The following RRH variants were observed in gnomAD, a reference collection of about 807,000 sequenced individuals.
The protein encoded by RRH is visual pigment-like receptor peropsin.
Under a neutral mutation model 33.1 loss-of-function variants are expected in RRH, and 36 were observed. The ratio of observed to expected loss-of-function variants is 1.09; its 90% CI spans 0.83 to 1.44. The LOEUF (loss-of-function observed/expected upper bound fraction) is 1.44. RRH is among the 40% of genes most tolerant of loss of function. The probability of loss-of-function intolerance (pLI) is 0.00; values close to 1 mark genes in which losing one functional copy is unlikely to be tolerated. For missense variants in RRH, 393 were observed against 420.2 expected (o/e 0.94, Z 0.57); for synonymous variants, 124 against 140.2 (o/e 0.88, Z 0.82).
chr4:109,840,549 A>G (rs1738815485), intron 5 of RRH, among the ~76,000 whole-genome samples: 1 of 152,116 alleles, frequency 6.6e-6, no homozygotes, highest in African/African-American at 2.4e-5. Context: ...GCCTGTGCCT[A>G]TGTCCTGAAT....
At position 109,828,480 on chromosome 4, in the gene RRH, T is replaced by C. The variant is rs1041760696; in HGVS notation, c.106+347T>C. On this transcript the variant is annotated intron_variant, in intron 1 of 6. Transcript: ENST00000317735. Reference sequence around the variant, plus strand: ...TCATAAAAATCTATGTATTTGATTATTGGATTGTTAAAGTTTTTATTGGAG... The same window carrying C: ...TCATAAAAATCTATGTATTTGATTACTGGATTGTTAAAGTTTTTATTGGAG... Among the ~76,000 whole-genome samples, 3 of 152,238 alleles carry C rather than the reference T, an allele frequency of 2.0e-5. No homozygotes were observed. The South Asian group carries it at 6.2e-4, about 32-fold the overall frequency.
At position 109,833,280 on chromosome 4, in the gene RRH, C is replaced by G. The variant is rs780573597; in HGVS notation, c.248C>G (p.Ala83Gly). 13 of 1,613,948 alleles carry G rather than the reference C, an allele frequency of 8.1e-6. No individual in the cohort carries two copies. The South Asian group carries it at 1.3e-4, about 16-fold the overall frequency. Residue 83 changes from alanine (A) to glycine (G), a missense_variant, in exon 2 of 7, where the codon GCT becomes GGT. By Grantham distance (60) the Ala-to-Gly change is moderately conservative. Coordinates refer to ENST00000317735, the MANE Select transcript of RRH (RefSeq NM_006583.5). ...AGTAGCATTGGCTATCCCATGTCTGCTGCCTCAGATCTGTATGGAAGTTGG... is the reference window on the plus strand; with the variant it reads ...AGTAGCATTGGCTATCCCATGTCTGGTGCCTCAGATCTGTATGGAAGTTGG... ...GVSSIGYPMS[A>G]ASDLYGSWKF...
chr4:109,844,019 G>A, intron 6 of RRH, 64 bp from the exon 7 acceptor site: 1 of 1,090,592 alleles, frequency 9.2e-7, no homozygotes, highest in South Asian at 1.2e-5. Context: ...AGCCATATTT[G>A]AAAATGCTTT....
In RRH at chr4:109,843,385, A is replaced by G. The variant is rs868418366; in HGVS notation, c.900-698A>G. ...GCCACCACACCCGGCTAATTTTTGT[A>G]TTTTTAGTAGAGATGGGGTTTCACC... is the stretch of plus-strand genomic sequence containing the variant. On this transcript the variant is annotated intron_variant, in intron 6 of 6. Transcript: ENST00000317735. Among the ~76,000 whole-genome samples, 4 of 152,112 alleles carry G rather than the reference A, an allele frequency of 2.6e-5. No homozygotes were observed. The South Asian group carries it at 6.2e-4, about 24-fold the overall frequency.
chr4:109,835,265 A>G, intron 2 of RRH, 101 bp from the exon 3 acceptor site: 2 of 759,770 alleles, frequency 2.6e-6, no homozygotes, highest in Non-Finnish European at 4.7e-6. Context: ...AAAGTAAAAA[A>G]CCTTTAGTAT....
chr4:109,832,229 G>C (rs141272600), intron 1 of RRH, among the ~76,000 whole-genome samples: 30 of 146,250 alleles, frequency 2.1e-4, no homozygotes, highest in African/African-American at 6.4e-4. Context: ...CAGCATGTAG[G>C]GGATGTTGAA....
intron 5 of RRH, 125 bp from the exon 6 acceptor site, chr4:109,842,344 C>A: frequency 1.1e-5 from 9 of 846,654 alleles, no homozygotes; most frequent in African/African-American, 1.7e-5. Flanking sequence ...CAACTATTTC[C>A]TTTATGTCAT....
At chr4:109,843,629 A>G (rs1020268933) in intron 6 of RRH, among the ~76,000 whole-genome samples, 4 of 152,220 alleles carry the variant, frequency 2.6e-5, no homozygotes, top group African/African-American at 9.6e-5. Flanking sequence ...TGAAGAACAC[A>G]TTTTAAATTC....
At position 109,833,146 on chromosome 4, in the gene RRH, A is replaced by G. The variant is rs548507748; in HGVS notation, c.114A>G (p.Ile38Met). ...VATYLIMAGM[I>M]SIISNIIVLG... ...TTTTGTGTGTGTTCTCAGGTATGAT[A>G]AGTATTATCAGCAACATAATAGTTC... The change falls in exon 2 of 7, where the codon ATA becomes ATG. Residue 38 changes from isoleucine (I) to methionine (M), a missense_variant. Ile to Met is a conservative substitution (Grantham distance 10). Transcript: ENST00000317735. 3 of 1,612,568 alleles carry G rather than the reference A, an allele frequency of 1.9e-6. No homozygotes were observed. In the East Asian group the frequency reaches 6.7e-5, roughly 36 times the overall value.
chr4:109,839,986 T>C lies in RRH; in HGVS notation c.720+2381T>C, dbSNP rs146710754. Reference sequence around the variant, plus strand: ...TATATTCCTTTGGGTATATACTCAGTAAAAGAATTGGTGGGACAAATGGTA... The same window carrying C: ...TATATTCCTTTGGGTATATACTCAGCAAAAGAATTGGTGGGACAAATGGTA... On this transcript the variant is annotated intron_variant, in intron 5 of 6. Transcript: ENST00000317735. Among the ~76,000 whole-genome samples the C allele has an allele frequency of 7.3e-4, 111 of 152,360 alleles. No individual in the cohort carries two copies. The Middle Eastern group carries it at 0.02, about 28-fold the overall frequency.
At chr4:109,836,270 C>G (rs1733883290) in intron 4 of RRH, 110 bp downstream of exon 4, 9 of 1,136,978 alleles carry the variant, frequency 7.9e-6, no homozygotes, top group Non-Finnish European at 1.0e-5. Flanking sequence ...GGTGGCGAAG[C>G]ACTTCCCTGG....
Position 109,842,724 on chromosome 4 carries a change from G to A in RRH, c.899+77G>A. ...AATGTTAAGACTTCTTGGGAGAGAA[G>A]TGACAGAAACCCACTTCAATCTAGC... On this transcript the variant is annotated intron_variant, in intron 6 of 6. Transcript: ENST00000317735. The A allele has an allele frequency of 3.0e-6, 4 of 1,352,068 alleles. No homozygotes were observed. In the East Asian group the frequency reaches 9.3e-5, roughly 32 times the overall value. 83.8% of individuals were successfully genotyped at this position (1,352,068 alleles called of 1,614,324 possible). A position where few individuals can be genotyped will look rare whatever the true frequency, so the allele number is the denominator to read the frequency against.
intron 4 of RRH, 63 bp from the exon 5 acceptor site, chr4:109,837,374 C>T: frequency 7.4e-7 from 1 of 1,357,084 alleles, no homozygotes; most frequent in Non-Finnish European, 1.1e-6. Flanking sequence ...ATTATCTCCT[C>T]TTTCTCCTTC....
In RRH at chr4:109,837,424, T is replaced by G. The variant is rs773388287; in HGVS notation, c.552-13T>G. On this transcript the variant is annotated splice_polypyrimidine_tract_variant and intron_variant, in intron 4 of 6. Transcript: ENST00000317735. The stretch of plus-strand genomic sequence containing the variant: ...TTAAATGAGCAATCATGATTGCCTT[T>G]TCTTATTTTCAGATCTTTTGTGTCT... 2 of 1,612,660 alleles carry G rather than the reference T, an allele frequency of 1.2e-6. No individual in the cohort carries two copies. Among genetic ancestry groups the G allele is most frequent in the African/African-American group, 2.7e-5 (2 of 74,908 alleles).
Position 109,844,359 on chromosome 4 carries a change from C to T in RRH, c.*162C>T, listed in dbSNP as rs1245733684. On this transcript the variant is annotated 3_prime_UTR_variant, in exon 7 of 7. Coordinates refer to ENST00000317735, the MANE Select transcript of RRH (RefSeq NM_006583.5). ...TGCTTCTGTTTGTGCACTCTGGCTG[C>T]TGTAGTGTATGCTTCTCTGTGTCCT... 2 of 570,110 alleles carry T rather than the reference C, an allele frequency of 3.5e-6. No homozygotes were observed. The highest frequency in any genetic ancestry group is 6.6e-5 in the East Asian group (2 of 30,160). The allele number at this position is 570,110 out of a possible 1,614,324, so 35.3% of individuals were successfully genotyped here.
intron 6 of RRH, 55 bp from the exon 7 acceptor site, chr4:109,844,028 T>C: frequency 8.5e-7 from 1 of 1,174,086 alleles, no homozygotes; most frequent in Non-Finnish European, 1.3e-6. Flanking sequence ...TGAAAATGCT[T>C]TAGAAGTTCC....
chr4:109,829,019 T>C (rs897452794), intron 1 of RRH, among the ~76,000 whole-genome samples: 4 of 152,156 alleles, frequency 2.6e-5, no homozygotes, highest in African/African-American at 9.6e-5. Context: ...GTAACTTTTA[T>C]ATTGAGCAAT....
At chr4:109,839,703 C>T (rs1412600811) in intron 5 of RRH, among the ~76,000 whole-genome samples, 1 of 152,164 alleles carries the variant, frequency 6.6e-6, no homozygotes, top group Non-Finnish European at 1.5e-5. Context: ...TAAGTGAGAA[C>T]ATAAGGTATT....
At position 109,837,543 on chromosome 4, in the gene RRH, A is replaced by G; in HGVS notation, c.658A>G (p.Thr220Ala). The G allele has an allele frequency of 6.2e-7, 1 of 1,613,908 alleles. No individual in the cohort carries two copies. Among genetic ancestry groups the G allele is most frequent in the South Asian group, 1.1e-5 (1 of 91,074 alleles). The change falls in exon 5 of 7, where the codon ACT becomes GCT. Residue 220 changes from threonine (T) to alanine (A), a missense_variant. Transcript: ENST00000317735. The stretch of plus-strand genomic sequence containing the variant: ...TGTCACGCTATCCATTAAACATCAC[A>G]CTACCAGTGACTGCACTGAGTCCCT... ...YHVTLSIKHHTTSDCTESLNR... is the reference protein window; with the variant it reads ...YHVTLSIKHHATSDCTESLNR...
Sources: gnomAD v4.1 joint callset for allele counts (sites outside exome capture counted in the v4.1 genomes callset) on GRCh38, gnomAD v4.1.1 for gene constraint, MANE v1.5 for transcripts, NCBI Gene and HGNC (gene_info 2026-07-23, HGNC 2026-07-21) for gene names.